Variants in ZPBP observed in about 807,000 individuals in gnomAD.
ZPBP encodes the protein zona pellucida binding protein.
In ZPBP, 26 loss-of-function variants were observed where a neutral mutation model predicts 44.8. That is an observed-to-expected ratio of 0.58 (90% CI 0.43 to 0.81). The LOEUF is 0.81. ZPBP is among the 30% of genes least tolerant of loss of function. The pLI, the probability that ZPBP is intolerant of heterozygous loss-of-function variation, is 0.00. For synonymous variants in ZPBP, 174 were observed against 153.2 expected, an observed-to-expected ratio of 1.14 and a Z score of -1.00; for missense variants, 409 against 434.0, an observed-to-expected ratio of 0.94 and a Z score of 0.51.
intron 4 of ZPBP, among the ~76,000 whole-genome samples, chr7:50,032,895 T>C (rs1562859433): frequency 6.6e-6 from 1 of 152,202 alleles, no homozygotes; most frequent in African/African-American, 2.4e-5. Flanking sequence ...TAAGTACAGA[T>C]TTCTGACATC....
At chr7:50,051,620 T>C (rs148126028) in intron 4 of ZPBP, among the ~76,000 whole-genome samples, 1,985 of 152,230 alleles carry the variant, frequency 0.013, 25 homozygotes, top group Non-Finnish European at 0.017. Flanking sequence ...CATGAAATAC[T>C]ATGCAGCCAT....
At chr7:49,998,767 C>T (rs1192257355) in intron 6 of ZPBP, among the ~76,000 whole-genome samples, 2 of 152,014 alleles carry the variant, frequency 1.3e-5, no homozygotes, top group African/African-American at 4.8e-5. Flanking sequence ...TCCAGAAACT[C>T]CAGAACTATT....
chr7:49,955,482 A>G (rs1346439929), intron 7 of ZPBP, among the ~76,000 whole-genome samples: 1 of 152,048 alleles, frequency 6.6e-6, no homozygotes, highest in African/African-American at 2.4e-5. Context: ...ACCTGAACCT[A>G]GGAGGCAGAG....
At chr7:49,896,122 C>G (rs961730046) in intron 2 of ZPBP, among the ~76,000 whole-genome samples, 6 of 152,160 alleles carry the variant, frequency 3.9e-5, no homozygotes, top group Admixed American at 6.5e-5. Context: ...GGGTGGATCA[C>G]TTGAGGTTAG....
At chr7:50,053,672 T>C (rs981211705) in intron 4 of ZPBP, among the ~76,000 whole-genome samples, 3 of 152,242 alleles carry the variant, frequency 2.0e-5, no homozygotes, top group Non-Finnish European at 2.9e-5. Context: ...TGGAAATTTC[T>C]GCTCTGTAAC....
intron 2 of ZPBP, among the ~76,000 whole-genome samples, chr7:49,861,326 A>C (rs1790645832): frequency 6.6e-6 from 1 of 152,108 alleles, no homozygotes; most frequent in Admixed American, 6.6e-5. Context: ...TGTTCAACTC[A>C]TTTTATTGAG....
chr7:49,877,487 T>TAC (rs1791481664), intron 2 of ZPBP, among the ~76,000 whole-genome samples: 1 of 18,658 alleles, frequency 5.4e-5, no homozygotes, highest in African/African-American at 2.6e-4. Context: ...AAAAAATATA[T>TAC]ATATATATAT....
rs186992616 is a variant in ZPBP, at chr7:49,922,883, C to T, written n.411+12868G>A. Among the ~76,000 whole-genome samples, 156 of 152,188 alleles carry T rather than the reference C, an allele frequency of 1.0e-3. 2 individuals carry two copies. Among genetic ancestry groups the T allele is most frequent in the African/African-American group, 3.7e-3 (155 of 41,538 alleles). ...CCCAGATATAAAATAAATCTATATT[C>T]AAAGACTATAGGACAAAATTGGAAA... On this transcript the variant is annotated intron_variant and non_coding_transcript_variant, in intron 1 of 2. Coordinates refer to the ZPBP transcript ENST00000465922.
chr7:50,052,613 GA>G (rs1484839624), intron 4 of ZPBP, among the ~76,000 whole-genome samples: 4 of 152,082 alleles, frequency 2.6e-5, no homozygotes, highest in Non-Finnish European at 5.9e-5. Flanking sequence ...TTACCCCACA[GA>G]AATAAATACT....
rs533022770 is a variant in ZPBP at position 50,024,297 on chromosome 7, C to T, written c.707-5981G>A. Among the ~76,000 whole-genome samples the T allele has an allele frequency of 4.6e-5, 7 of 152,128 alleles. No individual in the cohort carries two copies. In the South Asian group the frequency reaches 1.5e-3, roughly 32 times the overall value. ...GAACTACCATTTGACCAAGCAATCC[C>T]TCTTCTGGGTACATATCCAAAAGAA... On this transcript the variant is annotated intron_variant, in intron 5 of 7. Transcript: ENST00000046087.
intron 7 of ZPBP, among the ~76,000 whole-genome samples, chr7:49,952,163 G>T (rs1056259003): frequency 6.6e-6 from 1 of 151,828 alleles, no homozygotes; most frequent in Non-Finnish European, 1.5e-5. Context: ...AAAACATTGT[G>T]ATTGTACTAA....
chr7:49,988,808 CA>C (rs34110821), intron 6 of ZPBP, among the ~76,000 whole-genome samples: 3,145 of 152,248 alleles, frequency 0.021, 259 homozygotes, highest in Admixed American at 0.15. Context: ...TCACAAATAT[CA>C]AGCAAAACAA....
intron 3 of ZPBP, among the ~76,000 whole-genome samples, chr7:50,067,398 T>G (rs1231538425): frequency 6.6e-6 from 1 of 152,170 alleles, no homozygotes; most frequent in Non-Finnish European, 1.5e-5. Context: ...AGAAGCATAT[T>G]TGGAATCTGT....
intron 5 of ZPBP, among the ~76,000 whole-genome samples, chr7:50,023,304 C>T (rs1799176167): frequency 6.6e-6 from 1 of 152,026 alleles, no homozygotes. Flanking sequence ...AGGATGCTTA[C>T]CCCCCATACA....
At chr7:50,049,142 T>C (rs1800554824) in intron 4 of ZPBP, among the ~76,000 whole-genome samples, 2 of 152,194 alleles carry the variant, frequency 1.3e-5, no homozygotes, top group African/African-American at 2.4e-5. Flanking sequence ...ACAATCTGAT[T>C]AGACCTGTAA....
chr7:49,876,738 A>G (rs1017087044), intron 2 of ZPBP, among the ~76,000 whole-genome samples: 2 of 152,064 alleles, frequency 1.3e-5, no homozygotes, highest in African/African-American at 4.8e-5. Flanking sequence ...TTCAATCATT[A>G]CCTGTCAACA....
At chr7:49,845,095 A>G in the ZPBP span, among the ~76,000 whole-genome samples, 24 of 152,274 alleles carry the variant, frequency 1.6e-4, no homozygotes, top group African/African-American at 5.8e-4. Context: ...ACACATGAAC[A>G]CATGGGCGGG....
At chr7:50,049,084 A>C (rs1800551758) in intron 4 of ZPBP, among the ~76,000 whole-genome samples, 1 of 152,074 alleles carries the variant, frequency 6.6e-6, no homozygotes, top group South Asian at 2.1e-4. Flanking sequence ...AGATAAAATA[A>C]ATTCTTAGGA....
intron 6 of ZPBP, among the ~76,000 whole-genome samples, chr7:50,005,018 GAA>G (rs1798241698): frequency 7.7e-6 from 1 of 130,512 alleles, no homozygotes. Flanking sequence ...AACTGTCAAA[GAA>G]AACAACTGAA....
Sources: allele counts gnomAD v4.1 joint callset (sites outside exome capture counted in the v4.1 genomes callset), GRCh38; gene constraint gnomAD v4.1.1; transcripts MANE v1.5; gene names NCBI Gene and HGNC (gene_info 2026-07-23, HGNC 2026-07-21).